ADCK1: variants seen among roughly 807,000 people sequenced by gnomAD.
The protein encoded by ADCK1 is aarF domain containing kinase 1, also known as aarF domain-containing protein kinase 1.
In ADCK1, 41 loss-of-function variants were observed where a neutral mutation model predicts 52.3. The ratio of observed to expected loss-of-function variants is 0.78; its 90% CI spans 0.61 to 1.02. ADCK1 has a LOEUF of 1.02. Ranked by LOEUF, ADCK1 falls within the 50% of genes least tolerant of loss-of-function variation. ADCK1 has a pLI of 0.00. For synonymous variants in ADCK1, 250 were observed against 274.6 expected, an observed-to-expected ratio of 0.91 and a Z score of 0.89; for missense variants, 658 against 679.5, an observed-to-expected ratio of 0.97 and a Z score of 0.35.
intron 3 of ADCK1, among the ~76,000 whole-genome samples, chr14:77,825,515 G>C (rs1236434527): frequency 6.6e-6 from 1 of 152,156 alleles, no homozygotes; most frequent in Non-Finnish European, 1.5e-5. Flanking sequence ...TCTCCTACAA[G>C]GTATGTTCCA....
At chr14:77,815,035 C>G (rs936753747) in intron 1 of ADCK1, among the ~76,000 whole-genome samples, 9 of 149,706 alleles carry the variant, frequency 6.0e-5, no homozygotes, top group African/African-American at 2.2e-4. Context: ...TACAGAGGCA[C>G]GTGACACCAC....
intron 1 of ADCK1, among the ~76,000 whole-genome samples, chr14:77,817,150 G>T (rs2140023401): frequency 6.6e-6 from 1 of 152,280 alleles, no homozygotes; most frequent in East Asian, 1.9e-4. Flanking sequence ...GCTGAGGCAG[G>T]AGAAACGCTC....
At chr14:77,832,230 G>A (rs893167277) in intron 3 of ADCK1, among the ~76,000 whole-genome samples, 2 of 152,162 alleles carry the variant, frequency 1.3e-5, no homozygotes, top group African/African-American at 4.8e-5. Context: ...CGCCCGCCTT[G>A]GCTGTAATCC....
At chr14:77,853,009 C>A (rs938581803) in intron 3 of ADCK1, among the ~76,000 whole-genome samples, 1 of 143,516 alleles carries the variant, frequency 7.0e-6, no homozygotes, top group African/African-American at 2.6e-5. Context: ...CCCTTGGCCT[C>A]CCAAAGTGCT....
chr14:77,885,328 A>G (rs1182350448), intron 4 of ADCK1, among the ~76,000 whole-genome samples: 1 of 152,150 alleles, frequency 6.6e-6, no homozygotes, highest in Non-Finnish European at 1.5e-5. Flanking sequence ...AGCAGGGAGA[A>G]CCAGACACTG....
chr14:77,893,742 T>TC (rs1221179357), intron 5 of ADCK1, among the ~76,000 whole-genome samples: 1 of 149,586 alleles, frequency 6.7e-6, no homozygotes, highest in African/African-American at 2.5e-5. Flanking sequence ...CCTTCCTTTT[T>TC]TTTTTTTTTT....
At chr14:77,893,428 G>A (rs2083324413) in intron 5 of ADCK1, among the ~76,000 whole-genome samples, 1 of 152,108 alleles carries the variant, frequency 6.6e-6, no homozygotes, top group South Asian at 2.1e-4. Context: ...TAATCACCCT[G>A]TATCACTCCC....
At chr14:77,814,641 T>TGCAGCAC (rs2081404054) in intron 1 of ADCK1, among the ~76,000 whole-genome samples, 1 of 125,814 alleles carries the variant, frequency 7.9e-6, no homozygotes, top group Non-Finnish European at 1.5e-5. Context: ...AAGGCTGCAG[T>TGCAGCAC]AAGTTGAGAT....
chr14:77,811,287 A>G (rs1005335707), intron 1 of ADCK1, among the ~76,000 whole-genome samples: 8 of 152,156 alleles, frequency 5.3e-5, no homozygotes, highest in African/African-American at 1.9e-4. Context: ...CTTACTGTGT[A>G]GGTGGCACCT....
Position 77,931,824 on chromosome 14 carries a change from C to G in ADCK1, c.1400+113C>G, listed in dbSNP as rs562503654. 4.8e-5 allele frequency: 54 copies of G among 1,126,960 alleles called. 1 individual carries two copies. In the South Asian group the frequency reaches 8.1e-4, roughly 17 times the overall value. The allele number at this position is 1,126,960 out of a possible 1,614,324, so 69.8% of individuals were successfully genotyped here. A position where few individuals can be genotyped will look rare whatever the true frequency, so the allele number is the denominator to read the frequency against. On this transcript the variant is annotated intron_variant, in intron 10 of 10. Coordinates refer to ENST00000238561, the MANE Select transcript of ADCK1 (RefSeq NM_020421.4). ...TCTACAGGGCCCTGCCTGAGCTTCC[C>G]AATCTCCAGATATCCCTGCAGGCAA...
chr14:77,905,304 G>GTTTTTTTTTTTTTTTTTTTTTTTTTTTTT (rs58057378), intron 6 of ADCK1, among the ~76,000 whole-genome samples: 3 of 96,278 alleles, frequency 3.1e-5, no homozygotes, highest in African/African-American at 4.3e-5. Flanking sequence ...TTCCTAGCTG[G>GTTTTTTTTTTTTTTTTTTTTTTTTTTTTT]TTTTTTTTTT....
At chr14:77,842,146 CATT>C (rs1240327834) in intron 3 of ADCK1, among the ~76,000 whole-genome samples, 1 of 152,172 alleles carries the variant, frequency 6.6e-6, no homozygotes, top group East Asian at 1.9e-4. Flanking sequence ...ATAATTCTTT[CATT>C]ATTATTATTA....
chr14:77,861,405 C>T (rs1370567534), intron 4 of ADCK1, among the ~76,000 whole-genome samples: 5 of 151,824 alleles, frequency 3.3e-5, no homozygotes, highest in Non-Finnish European at 1.5e-5. Flanking sequence ...AGGGTGGGTG[C>T]GTGTGGGGGT....
intron 1 of ADCK1, among the ~76,000 whole-genome samples, chr14:77,809,527 A>G (rs1267720338): frequency 2.6e-5 from 4 of 151,762 alleles, no homozygotes; most frequent in Non-Finnish European, 5.9e-5. Flanking sequence ...ACAGCATTTC[A>G]TCATGTTGGC....
intron 10 of ADCK1, among the ~76,000 whole-genome samples, chr14:77,932,548 C>G (rs11159309): frequency 6.6e-6 from 1 of 152,078 alleles, no homozygotes; most frequent in Non-Finnish European, 1.5e-5. Flanking sequence ...CCAGCCCTTC[C>G]GTGCTGGGAA....
intron 3 of ADCK1, among the ~76,000 whole-genome samples, chr14:77,851,609 C>A (rs2082286612): frequency 6.6e-6 from 1 of 151,980 alleles, no homozygotes; most frequent in East Asian, 1.9e-4. Flanking sequence ...TATTTTACCT[C>A]CTTTGTTGGT....
chr14:77,894,941 T>C (rs2083377746), intron 5 of ADCK1, among the ~76,000 whole-genome samples: 1 of 152,044 alleles, frequency 6.6e-6, no homozygotes. Flanking sequence ...TTAGTAGAGA[T>C]GGGGTTTCCC....
chr14:77,866,480 G>T (rs935323399), intron 4 of ADCK1, among the ~76,000 whole-genome samples: 1 of 152,122 alleles, frequency 6.6e-6, no homozygotes, highest in South Asian at 2.1e-4. Flanking sequence ...CTAGGGCTCT[G>T]TCTCCCACTT....
rs71128696 is a variant in ADCK1 at position 77,841,674 on chromosome 14, C to CAA, written c.220-17381_220-17380dup. ...TGAAACCCCATCTCTACTAAAAATA[C>CAA]AAAAAAAAAAAAAAAAAAAAAATTA... On this transcript the variant is annotated intron_variant, in intron 3 of 10. Transcript: ENST00000238561. Among the ~76,000 whole-genome samples the CAA allele has an allele frequency of 8.1e-5, 6 of 74,244 alleles. No individual in the cohort carries two copies. The South Asian group carries it at 2.0e-3, about 25-fold the overall frequency. The allele number at this position is 74,244 out of a possible 152,430, so 48.7% of individuals were successfully genotyped here. A position where few individuals can be genotyped will look rare whatever the true frequency, so the allele number is the denominator to read the frequency against.
Sources: allele counts gnomAD v4.1 joint callset (sites outside exome capture counted in the v4.1 genomes callset), GRCh38; gene constraint gnomAD v4.1.1; transcripts MANE v1.5; gene names NCBI Gene and HGNC (gene_info 2026-07-23, HGNC 2026-07-21).